GRID2: variants seen among roughly 807,000 people sequenced by gnomAD.
GRID2 encodes the protein glutamate ionotropic receptor delta type subunit 2.
In GRID2, 33 loss-of-function variants were observed where a neutral mutation model predicts 114.8. That is an observed-to-expected ratio of 0.29 (90% CI 0.22 to 0.38). GRID2 has a LOEUF of 0.38. GRID2 is among the 10% of genes least tolerant of loss of function. The pLI is 1.00. For missense variants in GRID2, 1,184 were observed against 1,257.7 expected (o/e 0.94, Z 0.89); for synonymous variants, 505 against 449.9 (o/e 1.12, Z -1.55).
intron 4 of GRID2, among the ~76,000 whole-genome samples, chr4:93,148,621 G>C (rs1736461665): frequency 6.6e-6 from 1 of 152,060 alleles, no homozygotes; most frequent in African/African-American, 2.4e-5. Context: ...AAATGCACAA[G>C]GAGGTATTAG....
At chr4:92,320,639 A>G (rs576203008) in intron 1 of GRID2, among the ~76,000 whole-genome samples, 1 of 151,986 alleles carries the variant, frequency 6.6e-6, no homozygotes, top group African/African-American at 2.4e-5. Context: ...CAACATGCCT[A>G]GCTAATTTTT....
At chr4:92,613,322 C>T (rs1358839935) in intron 2 of GRID2, among the ~76,000 whole-genome samples, 2 of 151,190 alleles carry the variant, frequency 1.3e-5, no homozygotes, top group African/African-American at 2.4e-5. Flanking sequence ...ATTTAGTTTG[C>T]CAATATTTTG....
At chr4:93,366,799 A>G (rs916327979) in intron 8 of GRID2, among the ~76,000 whole-genome samples, 1 of 152,092 alleles carries the variant, frequency 6.6e-6, no homozygotes, top group Non-Finnish European at 1.5e-5. Context: ...CCGACGCTTA[A>G]GGAAAATAGA....
intron 2 of GRID2, among the ~76,000 whole-genome samples, chr4:92,818,053 A>G (rs983222839): frequency 3.3e-5 from 5 of 152,180 alleles, no homozygotes; most frequent in Admixed American, 1.3e-4. Context: ...ACACATCTAC[A>G]TATGAGATAT....
At chr4:92,323,114 A>G (rs1230397303) in intron 1 of GRID2, among the ~76,000 whole-genome samples, 1 of 152,100 alleles carries the variant, frequency 6.6e-6, no homozygotes. Context: ...TTAAAAATGT[A>G]AAGATAGTTT....
At chr4:93,706,688 A>G (rs1211887955) in intron 14 of GRID2, among the ~76,000 whole-genome samples, 1 of 152,154 alleles carries the variant, frequency 6.6e-6, no homozygotes, top group Non-Finnish European at 1.5e-5. Context: ...TTCCTTTGCA[A>G]TTTGGATGCC....
intron 14 of GRID2, among the ~76,000 whole-genome samples, chr4:93,704,906 A>G (rs1326241387): frequency 6.6e-6 from 1 of 152,184 alleles, no homozygotes; most frequent in Non-Finnish European, 1.5e-5. Flanking sequence ...TAGTGCTGCA[A>G]TATACATAGG....
chr4:93,413,314 T>C (rs951435237), intron 9 of GRID2, among the ~76,000 whole-genome samples: 1 of 152,212 alleles, frequency 6.6e-6, no homozygotes, highest in African/African-American at 2.4e-5. Flanking sequence ...TAATATCTCA[T>C]TGTGGTTTTG....
intron 1 of GRID2, among the ~76,000 whole-genome samples, chr4:92,576,814 TG>T (rs1465205779): frequency 6.6e-6 from 1 of 152,136 alleles, no homozygotes; most frequent in Admixed American, 6.5e-5. Context: ...TGCTCCTGGG[TG>T]GGCCATTGCT....
chr4:93,132,833 C>T (rs532046119), intron 4 of GRID2, among the ~76,000 whole-genome samples: 4 of 152,126 alleles, frequency 2.6e-5, no homozygotes, highest in Non-Finnish European at 4.4e-5. Flanking sequence ...CAGTACTCAG[C>T]GTGCTGTGAA....
chr4:92,704,865 G>A (rs954251348), intron 2 of GRID2, among the ~76,000 whole-genome samples: 7 of 145,480 alleles, frequency 4.8e-5, no homozygotes, highest in African/African-American at 1.8e-4. Flanking sequence ...AACGTGATAA[G>A]AGCAGAAATG....
intron 1 of GRID2, among the ~76,000 whole-genome samples, chr4:92,464,113 T>C (rs1721630893): frequency 6.6e-6 from 1 of 151,982 alleles, no homozygotes; most frequent in Non-Finnish European, 1.5e-5. Context: ...TTCCTCTCAT[T>C]TCCAATATTC....
At chr4:92,331,636 A>C (rs1432054724) in intron 1 of GRID2, among the ~76,000 whole-genome samples, 2 of 152,120 alleles carry the variant, frequency 1.3e-5, no homozygotes, top group Non-Finnish European at 2.9e-5. Context: ...AGCTGACACA[A>C]TTTATATAAA....
At chr4:92,393,504 G>A (rs1730347756) in intron 1 of GRID2, among the ~76,000 whole-genome samples, 2 of 152,196 alleles carry the variant, frequency 1.3e-5, no homozygotes, top group South Asian at 4.2e-4. Flanking sequence ...AATATAGTTG[G>A]ATTTAGAAAT....
At chr4:92,311,357 A>T (rs985712195) in intron 1 of GRID2, among the ~76,000 whole-genome samples, 1 of 152,056 alleles carries the variant, frequency 6.6e-6, no homozygotes, top group Non-Finnish European at 1.5e-5. Flanking sequence ...TTCACCAAGT[A>T]GTCATCAATG....
At chr4:92,766,749 C>T (rs1738290587) in intron 2 of GRID2, among the ~76,000 whole-genome samples, 1 of 152,130 alleles carries the variant, frequency 6.6e-6, no homozygotes, top group South Asian at 2.1e-4. Context: ...TCATATTTTG[C>T]AATGCTTCTG....
At chr4:93,014,824 G>T (rs972353218) in intron 2 of GRID2, among the ~76,000 whole-genome samples, 4 of 152,042 alleles carry the variant, frequency 2.6e-5, no homozygotes, top group Non-Finnish European at 5.9e-5. Context: ...ATCCTAACTT[G>T]TTTTGCTGTA....
intron 13 of GRID2, among the ~76,000 whole-genome samples, chr4:93,536,674 G>A (rs1411085848): frequency 1.4e-5 from 2 of 145,924 alleles, no homozygotes; most frequent in African/African-American, 5.1e-5. Flanking sequence ...AACACTTGTT[G>A]ATTTAGAGAT....
rs897411033 is a variant in GRID2 at position 93,471,698 on chromosome 4, A to ATTTTTTTTTTTTTTTTTTTTT, written c.1858+15741_1858+15742insTTTTTTTTTTTTTTTTTTTTT. The stretch of plus-strand genomic sequence containing the variant: ...ATTGTTATTTCTTCTCCTGAATTCA[A>ATTTTTTTTTTTTTTTTTTTTT]TTTTTTTTTTTTTTTTTGGAGACGG... On this transcript the variant is annotated intron_variant, in intron 11 of 15. Coordinates refer to ENST00000282020, the MANE Select transcript of GRID2 (RefSeq NM_001510.4). Among the ~76,000 whole-genome samples, 65 of 60,974 alleles carry ATTTTTTTTTTTTTTTTTTTTT rather than the reference A, an allele frequency of 1.1e-3. 11 individuals carry two copies. The highest frequency in any genetic ancestry group is 3.8e-3 in the African/African-American group (42 of 11,078). The allele number at this position is 60,974 out of a possible 152,430, so 40.0% of individuals were successfully genotyped here. A position where few individuals can be genotyped will look rare whatever the true frequency, so the allele number is the denominator to read the frequency against.
Sources: gnomAD v4.1 joint callset for allele counts (sites outside exome capture counted in the v4.1 genomes callset) on GRCh38, gnomAD v4.1.1 for gene constraint, MANE v1.5 for transcripts, NCBI Gene and HGNC (gene_info 2026-07-23, HGNC 2026-07-21) for gene names.